DENND4A: variants seen among roughly 807,000 people sequenced by gnomAD.
DENND4A encodes C-myc promoter-binding protein.
A neutral mutation model predicts 199.3 loss-of-function variants in DENND4A; 70 were observed. That is an observed-to-expected ratio of 0.35 (90% CI 0.29 to 0.43). DENND4A has a LOEUF of 0.43. Ranked by LOEUF, DENND4A falls within the 20% of genes least tolerant of loss-of-function variation. The probability of loss-of-function intolerance (pLI) is 1.00; values close to 1 mark genes in which losing one functional copy is unlikely to be tolerated. For missense variants in DENND4A, 1,723 were observed against 2,255.8 expected, an observed-to-expected ratio of 0.76 and a Z score of 4.78; for synonymous variants, 686 against 766.9, an observed-to-expected ratio of 0.89 and a Z score of 1.74.
intron 23 of DENND4A, among the ~76,000 whole-genome samples, chr15:65,687,733 A>T (rs576325481): frequency 6.6e-6 from 1 of 152,332 alleles, no homozygotes; most frequent in Non-Finnish European, 1.5e-5. Context: ...GGGTACATTC[A>T]AATCTTTATG....
At chr15:65,691,909 G>C (rs1215983170) in intron 22 of DENND4A, among the ~76,000 whole-genome samples, 2 of 149,360 alleles carry the variant, frequency 1.3e-5, no homozygotes, top group African/African-American at 4.9e-5. Flanking sequence ...AAATTACAAT[G>C]GTTTTACAAT....
At chr15:65,783,606 G>C (rs559092379) in intron 1 of DENND4A, among the ~76,000 whole-genome samples, 1 of 152,254 alleles carries the variant, frequency 6.6e-6, no homozygotes, top group South Asian at 2.1e-4. Flanking sequence ...AAAAATGGCT[G>C]ATTCTAGGGC....
Position 65,701,801 on chromosome 15 carries a change from A to T in DENND4A, c.2520T>A (p.Gly840=), listed in dbSNP as rs1215199752. ...VRVLFEMQKA[G]IDPNAITYGY... is the part of the protein sequence containing the mutation. ...CATAAGTAATGGCATTGGGGTCAAT[A>T]CCAGCTTTCTGCATTTCAAAAAGCA... Residue 840 remains glycine, a synonymous_variant, in exon 18 of 33, where the codon GGT becomes GGA. Coordinates refer to ENST00000443035, the MANE Select transcript of DENND4A (RefSeq NM_001320835.1). The T allele has an allele frequency of 6.2e-7, 1 of 1,613,428 alleles. No homozygotes were observed. The highest frequency in any genetic ancestry group is 1.1e-5 in the South Asian group (1 of 91,070).
intron 1 of DENND4A, among the ~76,000 whole-genome samples, chr15:65,784,456 C>CA (rs60657281): frequency 0.26 from 35,565 of 138,164 alleles, 4,950 homozygotes; most frequent in African/African-American, 0.42. Context: ...CCATTTCTTA[C>CA]AAAAAAAAAA....
chr15:65,768,041 C>T (rs2077029648), intron 1 of DENND4A, among the ~76,000 whole-genome samples: 1 of 152,314 alleles, frequency 6.6e-6, no homozygotes, highest in East Asian at 1.9e-4. Context: ...CCACTGGTTT[C>T]AGCAAACCTC....
intron 23 of DENND4A, among the ~76,000 whole-genome samples, chr15:65,684,894 G>C (rs1317009760): frequency 7.1e-6 from 1 of 140,624 alleles, no homozygotes; most frequent in Non-Finnish European, 1.5e-5. Flanking sequence ...GCGCGATCTT[G>C]GCTCACCGCA....
intron 7 of DENND4A, among the ~76,000 whole-genome samples, chr15:65,734,814 G>C (rs1475877891): frequency 6.6e-6 from 1 of 152,168 alleles, no homozygotes; most frequent in Non-Finnish European, 1.5e-5. Flanking sequence ...TATGATGTTG[G>C]CCAGGCGCGG....
chr15:65,696,341 A>T, intron 22 of DENND4A, 25 bp downstream of exon 22: 1 of 1,605,334 alleles, frequency 6.2e-7, no homozygotes, highest in Non-Finnish European at 8.5e-7. Context: ...TTCCGCACAT[A>T]ACACAAGCGT....
chr15:65,702,328 TTGAC>T lies in DENND4A; in HGVS notation c.2403_2406del (p.Ser802ArgfsTer72). 2 of 1,552,184 alleles carry T rather than the reference TTGAC, an allele frequency of 1.3e-6. No individual in the cohort carries two copies. Among genetic ancestry groups the T allele is most frequent in the Non-Finnish European group, 1.7e-6 (2 of 1,147,134 alleles). On this transcript the variant is annotated frameshift_variant, in exon 17 of 33. Coordinates refer to ENST00000443035, the MANE Select transcript of DENND4A (RefSeq NM_001320835.1). LOFTEE classifies it high-confidence loss of function. ...ACCTCATCAGGTGGATCCATCTTCT[TTGAC>T]TGCATTTTTTTAAGCACATCATATG...
chr15:65,779,807 G>A (rs1467919026), intron 1 of DENND4A, among the ~76,000 whole-genome samples: 1 of 152,128 alleles, frequency 6.6e-6, no homozygotes, highest in Non-Finnish European at 1.5e-5. Flanking sequence ...ATACCACCAT[G>A]CCCAGCTAAT....
intron 23 of DENND4A, among the ~76,000 whole-genome samples, chr15:65,676,964 C>T (rs184414213): frequency 4.6e-5 from 7 of 152,250 alleles, no homozygotes; most frequent in Admixed American, 2.0e-4. Flanking sequence ...ACTAGAATTA[C>T]GTTTTATTCT....
intron 11 of DENND4A, among the ~76,000 whole-genome samples, chr15:65,724,639 T>C (rs2075750710): frequency 6.6e-6 from 1 of 152,126 alleles, no homozygotes; most frequent in Admixed American, 6.5e-5. Context: ...CAAAAATGAC[T>C]GTCTTGGAAT....
At chr15:65,783,514 T>C (rs2077488033) in intron 1 of DENND4A, among the ~76,000 whole-genome samples, 1 of 152,222 alleles carries the variant, frequency 6.6e-6, no homozygotes, top group Non-Finnish European at 1.5e-5. Flanking sequence ...AGTCATGATA[T>C]TCCAACAGCA....
chr15:65,723,378 A>G (rs1301368080), intron 11 of DENND4A, among the ~76,000 whole-genome samples: 1 of 152,198 alleles, frequency 6.6e-6, no homozygotes, highest in Non-Finnish European at 1.5e-5. Flanking sequence ...CATGATCCAC[A>G]GAGCTTATCA....
chr15:65,747,077 T>C (rs542847441), intron 4 of DENND4A, among the ~76,000 whole-genome samples: 2 of 149,260 alleles, frequency 1.3e-5, no homozygotes, highest in Non-Finnish European at 3.0e-5. Flanking sequence ...CTACACTCCA[T>C]CCTGGGTGAC....
chr15:65,663,066 A>C (rs2075905348), intron 32 of DENND4A, among the ~76,000 whole-genome samples: 1 of 151,746 alleles, frequency 6.6e-6, no homozygotes, highest in Non-Finnish European at 1.5e-5. Flanking sequence ...ACTATTCATG[A>C]TTTTGGTTAA....
At chr15:65,772,478 G>A (rs926568045) in intron 1 of DENND4A, among the ~76,000 whole-genome samples, 33 of 151,996 alleles carry the variant, frequency 2.2e-4, no homozygotes, top group African/African-American at 8.0e-4. Flanking sequence ...GGAGGCCAAG[G>A]CAGGCAGACC....
chr15:65,731,276 G>T, intron 9 of DENND4A: 20 of 310,904 alleles, frequency 6.4e-5, no homozygotes, highest in Middle Eastern at 4.1e-4. Flanking sequence ...TTTCTTTTGG[G>T]TAAAATTTAA....
At chr15:65,720,106 G>C (rs8042807) in intron 12 of DENND4A, among the ~76,000 whole-genome samples, 3 of 151,414 alleles carry the variant, frequency 2.0e-5, no homozygotes, top group African/African-American at 7.3e-5. Context: ...AGAACATTAA[G>C]ATGATAACTG....
Sources: gnomAD v4.1 joint callset for allele counts (sites outside exome capture counted in the v4.1 genomes callset) on GRCh38, gnomAD v4.1.1 for gene constraint, MANE v1.5 for transcripts, NCBI Gene and HGNC (gene_info 2026-07-23, HGNC 2026-07-21) for gene names.